Variants in EPS15 observed in about 807,000 individuals in gnomAD.
EPS15 encodes epidermal growth factor receptor substrate 15.
In EPS15, 72 loss-of-function variants were observed where a neutral mutation model predicts 113.8. That is an observed-to-expected ratio of 0.63 (90% CI 0.52 to 0.77). EPS15 has a LOEUF of 0.77. EPS15 is among the 30% of genes least tolerant of loss of function. EPS15 has a pLI of 0.00. For synonymous variants in EPS15, 344 were observed against 363.4 expected, an observed-to-expected ratio of 0.95 and a Z score of 0.61; for missense variants, 1,048 against 1,045.8, an observed-to-expected ratio of 1.00 and a Z score of -0.03.
At chr1:51,461,227 T>G in intron 7 of EPS15, 77 bp from the exon 8 acceptor site, 2 of 1,092,472 alleles carry the variant, frequency 1.8e-6, no homozygotes, top group Non-Finnish European at 2.8e-6. Flanking sequence ...AAAGAAAGTT[T>G]ATGAGCTAGG....
In EPS15 at chr1:51,377,246, A is replaced by G. The variant is rs150265260; in HGVS notation, c.2120-11217T>C. 3.3e-3 allele frequency among the ~76,000 whole-genome samples: 502 copies of G among 152,332 alleles called. 2 individuals carry two copies. The highest frequency in any genetic ancestry group is 0.012 in the African/African-American group (496 of 41,580). On this transcript the variant is annotated intron_variant, in intron 21 of 24. Coordinates refer to ENST00000371733, the MANE Select transcript of EPS15 (RefSeq NM_001981.3). Reference sequence around the variant, plus strand: ...TCCATTGCACTCCAGCCTGGGCAACAAGAGTGAAACTCCGTCTCAAACAAA... The same window carrying G: ...TCCATTGCACTCCAGCCTGGGCAACGAGAGTGAAACTCCGTCTCAAACAAA...
intron 8 of EPS15, among the ~76,000 whole-genome samples, chr1:51,452,230 T>C (rs1653635274): frequency 6.6e-6 from 1 of 152,006 alleles, no homozygotes; most frequent in South Asian, 2.1e-4. Flanking sequence ...TATAATCATA[T>C]ATTAAGTTTT....
At chr1:51,494,508 A>G (rs1005219919) in intron 1 of EPS15, among the ~76,000 whole-genome samples, 1 of 152,252 alleles carries the variant, frequency 6.6e-6, no homozygotes, top group African/African-American at 2.4e-5. Flanking sequence ...CCTGAATGAA[A>G]CCATCTAAAA....
chr1:51,422,053 A>G (rs1650810128), intron 12 of EPS15, 195 bp from the exon 13 acceptor site: 1 of 1,245,668 alleles, frequency 8.0e-7, no homozygotes, highest in African/African-American at 1.5e-5. Context: ...TTGTAAAAAA[A>G]AAATTGCTTT....
intron 1 of EPS15, among the ~76,000 whole-genome samples, chr1:51,489,513 T>C (rs1644193761): frequency 1.3e-5 from 2 of 152,028 alleles, no homozygotes; most frequent in East Asian, 3.9e-4. Flanking sequence ...AGACAGGGTT[T>C]CACCATGTTT....
intron 12 of EPS15, among the ~76,000 whole-genome samples, chr1:51,439,958 T>C (rs566085046): frequency 6.6e-6 from 1 of 152,208 alleles, no homozygotes; most frequent in East Asian, 1.9e-4. Context: ...TAATATGTTA[T>C]TCAAATATCT....
intron 9 of EPS15, 95 bp from the exon 10 acceptor site, chr1:51,447,200 G>A (rs1179188502): frequency 1.8e-6 from 2 of 1,104,324 alleles, no homozygotes; most frequent in East Asian, 2.4e-5. Flanking sequence ...CACAAATTCT[G>A]AACAATTCTA....
intron 18 of EPS15, 183 bp from the exon 19 acceptor site, chr1:51,401,136 A>G (rs1246161646): frequency 4.4e-6 from 2 of 451,036 alleles, no homozygotes; most frequent in Non-Finnish European, 8.0e-6. Flanking sequence ...ACTTACCTTG[A>G]TCACAAGTTG....
In EPS15 at chr1:51,471,746, T is replaced by C; in HGVS notation, c.166-9A>G. ...TCGGCTAAATCCCAAATCTGAAATT[T>C]AGGGGGAAAAAATATCAATGTATAT... On this transcript the variant is annotated splice_polypyrimidine_tract_variant and intron_variant, in intron 3 of 24. Transcript: ENST00000371733. 6.3e-7 allele frequency: 1 copy of C among 1,599,520 alleles called. No homozygotes were observed. Among genetic ancestry groups the C allele is most frequent in the Non-Finnish European group, 8.6e-7 (1 of 1,167,876 alleles).
intron 21 of EPS15, among the ~76,000 whole-genome samples, chr1:51,388,316 A>C (rs547383165): frequency 6.8e-4 from 104 of 152,356 alleles, no homozygotes; most frequent in African/African-American, 2.4e-3. Context: ...GACACATTCA[A>C]AGCAGTGTGT....
chr1:51,379,663 T>C (rs1387660288), intron 21 of EPS15, among the ~76,000 whole-genome samples: 55 of 152,088 alleles, frequency 3.6e-4, no homozygotes, highest in Non-Finnish European at 1.6e-4. Context: ...ATGCCTGTAA[T>C]CCCAGCACTT....
intron 21 of EPS15, among the ~76,000 whole-genome samples, chr1:51,370,459 A>G (rs760243187): frequency 5.3e-5 from 8 of 152,156 alleles, no homozygotes; most frequent in Non-Finnish European, 1.0e-4. Flanking sequence ...TTGGAGCATC[A>G]TATCAGTGCT....
intron 21 of EPS15, among the ~76,000 whole-genome samples, chr1:51,374,064 CAT>C (rs1417759389): frequency 1.3e-5 from 2 of 152,182 alleles, no homozygotes; most frequent in African/African-American, 4.8e-5. Context: ...TACATGAACA[CAT>C]ATACGTTTAG....
intron 21 of EPS15, among the ~76,000 whole-genome samples, chr1:51,390,127 A>G (rs967159668): frequency 4.5e-4 from 68 of 152,206 alleles, no homozygotes; most frequent in Non-Finnish European, 2.1e-4. Flanking sequence ...ATATAGATCA[A>G]TGGAACAGAA....
intron 12 of EPS15, 42 bp downstream of exon 12, chr1:51,440,305 G>A: frequency 1.4e-6 from 1 of 728,362 alleles, no homozygotes; most frequent in Non-Finnish European, 2.5e-6. Flanking sequence ...GTGTGTGTGT[G>A]TGTGTGTGTA....
chr1:51,494,152 C>T (rs936721030), intron 1 of EPS15, among the ~76,000 whole-genome samples: 1 of 152,184 alleles, frequency 6.6e-6, no homozygotes, highest in African/African-American at 2.4e-5. Flanking sequence ...ACAGGATCAA[C>T]AGTGAACACA....
At chr1:51,499,232 A>G (rs1416952837) in intron 1 of EPS15, among the ~76,000 whole-genome samples, 1 of 152,222 alleles carries the variant, frequency 6.6e-6, no homozygotes, top group Non-Finnish European at 1.5e-5. Context: ...GACACATATA[A>G]AAACAAACAT....
At chr1:51,358,614 T>C (rs1181252505) in intron 24 of EPS15, among the ~76,000 whole-genome samples, 3 of 152,140 alleles carry the variant, frequency 2.0e-5, no homozygotes, top group Non-Finnish European at 2.9e-5. Flanking sequence ...GATGTTCTTA[T>C]TATAAGCTGT....
intron 1 of EPS15, among the ~76,000 whole-genome samples, chr1:51,509,075 G>T (rs980360681): frequency 7.9e-5 from 12 of 152,030 alleles, no homozygotes; most frequent in African/African-American, 2.9e-4. Context: ...ACACAAGAAA[G>T]TCAGTGTTTA....
Sources: allele counts gnomAD v4.1 joint callset (sites outside exome capture counted in the v4.1 genomes callset), GRCh38; gene constraint gnomAD v4.1.1; transcripts MANE v1.5; gene names NCBI Gene and HGNC (gene_info 2026-07-23, HGNC 2026-07-21).